The following TENT4A variants were observed in gnomAD, a reference collection of about 807,000 sequenced individuals.
The protein encoded by TENT4A is terminal nucleotidyltransferase 4A, also known as DNA polymerase kappa.
TENT4A carries 7 observed loss-of-function variants against 72.8 expected under a neutral mutation model. The ratio of observed to expected loss-of-function variants is 0.10; its 90% CI spans 0.05 to 0.18. The LOEUF (loss-of-function observed/expected upper bound fraction) is 0.18, where lower values mean the gene tolerates loss of function less well. TENT4A is among the 10% of genes least tolerant of loss of function. The probability of loss-of-function intolerance (pLI) is 1.00; values close to 1 mark genes in which losing one functional copy is unlikely to be tolerated. For missense variants in TENT4A, 831 were observed against 1,017.7 expected, an observed-to-expected ratio of 0.82 and a Z score of 2.50; for synonymous variants, 456 against 434.3, an observed-to-expected ratio of 1.05 and a Z score of -0.62.
chr5:6,737,936 G>A (rs1479743863), intron 2 of TENT4A, among the ~76,000 whole-genome samples: 1 of 150,332 alleles, frequency 6.7e-6, no homozygotes, highest in Non-Finnish European at 1.5e-5. Context: ...TTGGAAGGGG[G>A]AGAATGGTGT....
chr5:6,726,382 T>TC, intron 1 of TENT4A, among the ~76,000 whole-genome samples: 4 of 152,256 alleles, frequency 2.6e-5, no homozygotes, highest in South Asian at 2.1e-4. Context: ...CTGCCTGAGA[T>TC]TTCTAAGTTC....
Position 6,737,494 on chromosome 5 carries a change from C to A in TENT4A, c.717-16C>A. On this transcript the variant is annotated splice_polypyrimidine_tract_variant and intron_variant, in intron 1 of 12. Transcript: ENST00000230859. Reference sequence around the variant, plus strand: ...TTTCATTGTAACTCTAGTATGTTTTCTTTTTTGTCCATTAGACTACATGAG... The same window carrying A: ...TTTCATTGTAACTCTAGTATGTTTTATTTTTTGTCCATTAGACTACATGAG... The A allele has an allele frequency of 1.9e-6, 3 of 1,599,290 alleles. No homozygotes were observed. Among genetic ancestry groups the A allele is most frequent in the Non-Finnish European group, 2.6e-6 (3 of 1,171,618 alleles).
Position 6,750,423 on chromosome 5 carries a change from A to C in TENT4A, c.1780A>C (p.Thr594Pro), listed in dbSNP as rs1192412363. 1 of 1,613,240 alleles carries C rather than the reference A, an allele frequency of 6.2e-7. No homozygotes were observed. Among genetic ancestry groups the C allele is most frequent in the Non-Finnish European group, 8.5e-7 (1 of 1,179,620 alleles). ...EPESPYGQRL[T>P]LSLSSPQLLS... ...CGAGTCTCCCTATGGCCAGCGCTTGACTTTGTCGCTGTCCAGCCCCCAGCT... is the reference window on the plus strand; with the variant it reads ...CGAGTCTCCCTATGGCCAGCGCTTGCCTTTGTCGCTGTCCAGCCCCCAGCT... The change falls in exon 10 of 13, where the codon ACT becomes CCT. Residue 594 changes from threonine to proline, a missense_variant. Physicochemically the swap from Thr to Pro is conservative, Grantham distance 38. Around this residue, in one of 3 missense-constraint regions of TENT4A, gnomAD observed 332 missense variants for 324.3 expected, o/e 1.02. Transcript: ENST00000230859.
In TENT4A at chr5:6,749,672, CATTT is replaced by C. The variant is rs751410563; in HGVS notation, c.1687+16_1687+19del. 4 of 1,517,798 alleles carry C rather than the reference CATTT, an allele frequency of 2.6e-6. No individual in the cohort carries two copies. Among genetic ancestry groups the C allele is most frequent in the Non-Finnish European group, 9.2e-7 (1 of 1,092,330 alleles). 94.0% of individuals were successfully genotyped at this position (1,517,798 alleles called of 1,614,324 possible). ...GCCAGGCATGGGTGAGAGATTAATTCATTTGTGTTCATCCTAACCACTGGCTGGC... is the reference window on the plus strand; with the variant it reads ...GCCAGGCATGGGTGAGAGATTAATTCGTGTTCATCCTAACCACTGGCTGGC... On this transcript the variant is annotated intron_variant, in intron 9 of 12. Coordinates refer to ENST00000230859, the MANE Select transcript of TENT4A (RefSeq NM_006999.6).
At chr5:6,743,157 G>A (rs988421943) in intron 5 of TENT4A, among the ~76,000 whole-genome samples, 9 of 152,110 alleles carry the variant, frequency 5.9e-5, no homozygotes, top group African/African-American at 1.7e-4. Context: ...TCCTTAGCAG[G>A]GGCAAATCCA....
intron 1 of TENT4A, among the ~76,000 whole-genome samples, chr5:6,722,337 C>T (rs373649759): frequency 3.3e-5 from 5 of 152,162 alleles, no homozygotes; most frequent in African/African-American, 1.2e-4. Flanking sequence ...TCCTTCTTGC[C>T]AGCTGGACAG....
chr5:6,737,808 C>T (rs1554008203), intron 2 of TENT4A, among the ~76,000 whole-genome samples, 175 bp downstream of exon 2: 1 of 152,156 alleles, frequency 6.6e-6, no homozygotes, highest in Non-Finnish European at 1.5e-5. Flanking sequence ...TGGCCCCCGG[C>T]GCACCTGCAC....
chr5:6,754,641 C>T (rs1174701298), intron 12 of TENT4A, 110 bp from the exon 13 acceptor site: 1 of 758,168 alleles, frequency 1.3e-6, no homozygotes, highest in Non-Finnish European at 2.0e-6. Context: ...AGGTGTCCAT[C>T]CCTGCTCTCT....
rs1286840510 is a variant in TENT4A at position 6,713,517 on chromosome 5, G to GT, written c.-466dup. ...GGAGCGCCGAGCCAGCGGCGCGAGC[G>GT]TGACTGAGGGCTAGCCGCACGGGCG... is the stretch of plus-strand genomic sequence containing the variant. On this transcript the variant is annotated 5_prime_UTR_variant, in exon 1 of 13. Coordinates refer to ENST00000230859, the MANE Select transcript of TENT4A (RefSeq NM_006999.6). The GT allele has an allele frequency of 1.3e-5, 2 of 148,686 alleles. No homozygotes were observed. The highest frequency in any genetic ancestry group is 5.0e-5 in the African/African-American group (2 of 40,230). 9.2% of individuals were successfully genotyped at this position (148,686 alleles called of 1,614,324 possible).
At chr5:6,741,004 T>C (rs1741773236) in intron 4 of TENT4A, among the ~76,000 whole-genome samples, 1 of 152,090 alleles carries the variant, frequency 6.6e-6, no homozygotes, top group Non-Finnish European at 1.5e-5. Flanking sequence ...TGTCTGCTGC[T>C]CCTCTGTGTG....
chr5:6,720,186 T>A (rs936704556), intron 1 of TENT4A, among the ~76,000 whole-genome samples: 1 of 152,206 alleles, frequency 6.6e-6, no homozygotes, highest in Non-Finnish European at 1.5e-5. Flanking sequence ...GCTTGTGTTA[T>A]TGAGTCAGGC....
intron 9 of TENT4A, 106 bp downstream of exon 9, chr5:6,749,763 A>G (rs1375995179): frequency 6.8e-6 from 5 of 736,808 alleles, no homozygotes; most frequent in African/African-American, 5.2e-5. Flanking sequence ...GAAAATAGCT[A>G]GTTTTTCTGA....
Position 6,751,136 on chromosome 5 carries a change from T to C in TENT4A, c.1958T>C (p.Met653Thr). ...GCCGGCTTACCCACCGCCTTGCCAA[T>C]GCCCAGTGGCAAACCTCAGCCCACC... ...LMAGLPTALP[M>T]PSGKPQPTTS... Residue 653 changes from methionine to threonine, a missense_variant, in exon 11 of 13, where the codon ATG (methionine) becomes ACG (threonine). Physicochemically the swap from Met to Thr is moderately conservative, Grantham distance 81 (BLOSUM62 -1). Coordinates refer to ENST00000230859, the MANE Select transcript of TENT4A (RefSeq NM_006999.6). 6.2e-7 allele frequency: 1 copy of C among 1,614,214 alleles called. No homozygotes were observed. Among genetic ancestry groups the C allele is most frequent in the Non-Finnish European group, 8.5e-7 (1 of 1,180,044 alleles).
At position 6,739,808 on chromosome 5, in the gene TENT4A, A is replaced by G. The variant is rs572310565; in HGVS notation, c.964A>G (p.Asn322Asp). 2.5e-6 allele frequency: 4 copies of G among 1,614,234 alleles called. No individual in the cohort carries two copies. Among genetic ancestry groups the G allele is most frequent in the African/African-American group, 2.7e-5 (2 of 75,072 alleles). Residue 322 changes from asparagine to aspartate, a missense_variant, in exon 4 of 13, where the codon AAC becomes GAC. This residue lies in a region of TENT4A where 197 missense variants were observed against 399.6 expected (regional missense o/e 0.49). Transcript: ENST00000230859. ...QLLEQALRKH[N>D]VAEPCSIKVL... is the part of the protein sequence containing the mutation. Reference sequence around the variant, plus strand: ...GCTGGAGCAAGCCCTGCGGAAGCACAACGTGGCTGAGCCGTGTTCCATCAA... The same window carrying G: ...GCTGGAGCAAGCCCTGCGGAAGCACGACGTGGCTGAGCCGTGTTCCATCAA...
At chr5:6,753,125 CCA>C in intron 12 of TENT4A, 88 bp downstream of exon 12, 1 of 1,265,660 alleles carries the variant, frequency 7.9e-7, no homozygotes, top group East Asian at 2.4e-5. Context: ...AGAGAGAATT[CCA>C]GAGAGATCAT....
At position 6,714,096 on chromosome 5, in the gene TENT4A, C is replaced by T; in HGVS notation, c.113C>T (p.Ala38Val). 4.1e-6 allele frequency: 4 copies of T among 983,848 alleles called. No individual in the cohort carries two copies. Among genetic ancestry groups the T allele is most frequent in the Non-Finnish European group, 4.8e-6 (4 of 830,730 alleles). 60.9% of individuals were successfully genotyped at this position (983,848 alleles called of 1,614,324 possible). A position where few individuals can be genotyped will look rare whatever the true frequency, so the allele number is the denominator to read the frequency against. Residue 38 changes from alanine (A) to valine (V), a missense_variant, in exon 1 of 13, where the codon GCG becomes GTG. Ala to Val is a moderately conservative substitution (Grantham distance 64). Coordinates refer to ENST00000230859, the MANE Select transcript of TENT4A (RefSeq NM_006999.6). ...QGVGRGGSGFASYFCLNSPAL... is the reference protein window; with the variant it reads ...QGVGRGGSGFVSYFCLNSPAL... ...GTGGGCCGCGGCGGCTCGGGCTTCG[C>T]GTCCTATTTCTGCCTCAACTCGCCG...
chr5:6,750,559 T>C, intron 10 of TENT4A, 56 bp downstream of exon 10: 1 of 1,443,200 alleles, frequency 6.9e-7, no homozygotes, highest in South Asian at 1.4e-5. Flanking sequence ...CTCTGGTAAA[T>C]GTCCATAGCC....
chr5:6,713,873 G>C lies in TENT4A; in HGVS notation c.-111G>C. ...GCCGCCGCCGCCGCCGCCGCCACCG[G>C]CCCAGGCCCGTCCGTCCGTCCGTGC... On this transcript the variant is annotated 5_prime_UTR_variant, in exon 1 of 13. Transcript: ENST00000230859. 1 of 215,340 alleles carries C rather than the reference G, an allele frequency of 4.6e-6. No individual in the cohort carries two copies. Among genetic ancestry groups the C allele is most frequent in the Non-Finnish European group, 7.7e-6 (1 of 130,454 alleles). The allele number at this position is 215,340 out of a possible 1,614,324, so 13.3% of individuals were successfully genotyped here. A position where few individuals can be genotyped will look rare whatever the true frequency, so the allele number is the denominator to read the frequency against.
intron 1 of TENT4A, among the ~76,000 whole-genome samples, chr5:6,736,437 A>G (rs1017511828): frequency 5.3e-5 from 8 of 152,202 alleles, no homozygotes; most frequent in Non-Finnish European, 1.0e-4. Context: ...TGTTTGCCTT[A>G]TTTATGAAAC....
Sources: gnomAD v4.1 joint callset for allele counts (sites outside exome capture counted in the v4.1 genomes callset) on GRCh38, gnomAD v4.1.1 for gene constraint, gnomAD v4.1.1 regional missense constraint, MANE v1.5 for transcripts, NCBI Gene and HGNC (gene_info 2026-07-23, HGNC 2026-07-21) for gene names.